The following RASAL2 variants were observed in gnomAD, a reference collection of about 807,000 sequenced individuals.
RASAL2 encodes RAS protein activator like 2, also known as ras GTPase-activating protein nGAP.
RASAL2 carries 58 observed loss-of-function variants against 128.9 expected under a neutral mutation model. That is an observed-to-expected ratio of 0.45 (90% CI 0.36 to 0.56). The LOEUF is 0.56. Among genes scored for constraint, RASAL2 ranks in the 20% least tolerant of loss-of-function variants. The pLI, the probability that RASAL2 is intolerant of heterozygous loss-of-function variation, is 0.00. For synonymous variants in RASAL2, 561 were observed against 580.8 expected, an observed-to-expected ratio of 0.97 and a Z score of 0.49; for missense variants, 1,360 against 1,601.6, an observed-to-expected ratio of 0.85 and a Z score of 2.57.
intron 1 of RASAL2, among the ~76,000 whole-genome samples, chr1:178,223,541 G>C (rs945343362): frequency 6.6e-6 from 1 of 152,214 alleles, no homozygotes; most frequent in East Asian, 1.9e-4. Context: ...TACAAGGGTA[G>C]AGTGGGTATG....
At chr1:178,297,211 T>C (rs1348724546) in intron 2 of RASAL2, among the ~76,000 whole-genome samples, 1 of 152,144 alleles carries the variant, frequency 6.6e-6, no homozygotes, top group Non-Finnish European at 1.5e-5. Context: ...AGCTATATGC[T>C]AAGATTTGTA....
intron 1 of RASAL2, among the ~76,000 whole-genome samples, chr1:178,100,535 A>T (rs543582766): frequency 2.0e-4 from 31 of 152,160 alleles, no homozygotes; most frequent in Middle Eastern, 3.4e-3. Flanking sequence ...AATAAAAAAA[A>T]AAAAAAAAAG....
intron 3 of RASAL2, among the ~76,000 whole-genome samples, chr1:178,306,101 ATT>A (rs1281484413): frequency 1.3e-5 from 2 of 152,056 alleles, no homozygotes; most frequent in African/African-American, 4.8e-5. Context: ...GATTCATCAA[ATT>A]TTTTTCATTG....
At chr1:178,193,324 A>T in intron 1 of RASAL2, among the ~76,000 whole-genome samples, 1 of 152,240 alleles carries the variant, frequency 6.6e-6, no homozygotes, top group Non-Finnish European at 1.5e-5. Context: ...ACCACAATAA[A>T]TAACAAACTG....
intron 2 of RASAL2, among the ~76,000 whole-genome samples, chr1:178,290,810 G>A (rs1001179664): frequency 1.3e-5 from 2 of 151,856 alleles, no homozygotes; most frequent in African/African-American, 4.8e-5. Context: ...CAAGTAGCTG[G>A]GACTACAGGC....
chr1:178,302,597 A>G (rs969683654), intron 3 of RASAL2, among the ~76,000 whole-genome samples: 4 of 152,214 alleles, frequency 2.6e-5, no homozygotes, highest in Non-Finnish European at 4.4e-5. Flanking sequence ...ATGAATTTCA[A>G]AATTTCTGTC....
In RASAL2 at chr1:178,126,537, C is replaced by T. The variant is rs118170742; in HGVS notation, c.202+31843C>T. On this transcript the variant is annotated intron_variant, in intron 1 of 17. Transcript: ENST00000367649. ...AGAAACACCATTCTTTTAGTCATTA[C>T]CTTTTAAAAAACACTTTTAACCATG... Among the ~76,000 whole-genome samples, 6 of 152,242 alleles carry T rather than the reference C, an allele frequency of 3.9e-5. No individual in the cohort carries two copies. The East Asian group carries it at 1.2e-3, about 29-fold the overall frequency.
At chr1:178,123,002 T>C (rs765819915) in intron 1 of RASAL2, 1 of 152,216 alleles carries the variant, frequency 6.6e-6, no homozygotes, top group Non-Finnish European at 1.5e-5. Context: ...CGCTATATAA[T>C]GTGTGTGCCA....
rs571184437 is a variant in RASAL2, at chr1:178,467,561, A to C, written c.3678+140A>C. 146 of 673,490 alleles carry C rather than the reference A, an allele frequency of 2.2e-4. No homozygotes were observed. In the African/African-American group the frequency reaches 2.4e-3, roughly 11 times the overall value. The allele number at this position is 673,490 out of a possible 1,614,324, so 41.7% of individuals were successfully genotyped here. Reference sequence around the variant, plus strand: ...CTAGACGCTACATTTTGAAGATTAAATGAGTGTCTGTGTGACCTCCATTAT... The same window carrying C: ...CTAGACGCTACATTTTGAAGATTAACTGAGTGTCTGTGTGACCTCCATTAT... On this transcript the variant is annotated intron_variant, in intron 17 of 17. Transcript: ENST00000367649.
intron 1 of RASAL2, among the ~76,000 whole-genome samples, chr1:178,144,180 T>C (rs945098800): frequency 6.6e-6 from 1 of 152,174 alleles, no homozygotes; most frequent in African/African-American, 2.4e-5. Flanking sequence ...TCTGTCCTCC[T>C]ACTTAACCTC....
chr1:178,220,785 G>A (rs1236977629), intron 1 of RASAL2, among the ~76,000 whole-genome samples: 1 of 152,134 alleles, frequency 6.6e-6, no homozygotes, highest in Admixed American at 6.5e-5. Flanking sequence ...ATATTCAGTT[G>A]TCTGGATGTA....
At chr1:178,133,944 T>A (rs887902037) in intron 1 of RASAL2, among the ~76,000 whole-genome samples, 12 of 152,190 alleles carry the variant, frequency 7.9e-5, no homozygotes, top group African/African-American at 2.9e-4. Flanking sequence ...TTCTGATGAA[T>A]GTTGGGAAAG....
intron 3 of RASAL2, among the ~76,000 whole-genome samples, chr1:178,337,411 T>C (rs1669640877): frequency 6.6e-6 from 1 of 152,196 alleles, no homozygotes; most frequent in South Asian, 2.1e-4. Context: ...GTCATTCAAA[T>C]GATAAACAAT....
chr1:178,340,356 A>T (rs1469835703), intron 3 of RASAL2, among the ~76,000 whole-genome samples: 1 of 152,166 alleles, frequency 6.6e-6, no homozygotes, highest in Admixed American at 6.5e-5. Flanking sequence ...CAATTCTGAC[A>T]TGCTAACCTC....
At chr1:178,455,085 A>G (rs1195104057) in intron 12 of RASAL2, among the ~76,000 whole-genome samples, 5 of 152,124 alleles carry the variant, frequency 3.3e-5, no homozygotes, top group Non-Finnish European at 7.4e-5. Flanking sequence ...TTTTTTTACT[A>G]TACAAGTCAT....
At chr1:178,413,179 C>G (rs892377823) in intron 4 of RASAL2, among the ~76,000 whole-genome samples, 2 of 152,094 alleles carry the variant, frequency 1.3e-5, no homozygotes, top group South Asian at 2.1e-4. Context: ...AGGCTGGTCT[C>G]AAACTCCTGA....
At chr1:178,309,600 T>C (rs1196840305) in intron 3 of RASAL2, among the ~76,000 whole-genome samples, 1 of 152,136 alleles carries the variant, frequency 6.6e-6, no homozygotes, top group Non-Finnish European at 1.5e-5. Context: ...CTGGAAGAAT[T>C]GGCTTGATTA....
At chr1:178,115,676 G>T (rs1267544162) in intron 1 of RASAL2, among the ~76,000 whole-genome samples, 1 of 152,176 alleles carries the variant, frequency 6.6e-6, no homozygotes, top group East Asian at 1.9e-4. Flanking sequence ...AGTCTGGAAG[G>T]TGATGCCTGG....
intron 1 of RASAL2, among the ~76,000 whole-genome samples, chr1:178,111,562 G>A (rs1378604626): frequency 6.6e-6 from 1 of 152,138 alleles, no homozygotes; most frequent in East Asian, 1.9e-4. Context: ...GTGTATGTAA[G>A]TTCCATTTCC....
Sources: gnomAD v4.1 joint callset for allele counts (sites outside exome capture counted in the v4.1 genomes callset) on GRCh38, gnomAD v4.1.1 for gene constraint, MANE v1.5 for transcripts, NCBI Gene and HGNC (gene_info 2026-07-23, HGNC 2026-07-21) for gene names.